Variants in PITPNC1 observed in about 807,000 individuals in gnomAD.
PITPNC1 encodes cytoplasmic phosphatidylinositol transfer protein 1.
Under a neutral mutation model 44.7 loss-of-function variants are expected in PITPNC1, and 18 were observed. The observed-to-expected ratio is 0.40, with a 90% confidence interval of 0.28 to 0.60. The LOEUF (loss-of-function observed/expected upper bound fraction) is 0.60. Ranked by LOEUF, PITPNC1 falls within the 20% of genes least tolerant of loss-of-function variation. The pLI is 0.39. For missense variants in PITPNC1, 290 were observed against 418.4 expected, an observed-to-expected ratio of 0.69 and a Z score of 2.68; for synonymous variants, 141 against 149.6, an observed-to-expected ratio of 0.94 and a Z score of 0.42.
intron 1 of PITPNC1, among the ~76,000 whole-genome samples, chr17:67,399,190 T>C (rs536696181): frequency 6.6e-6 from 1 of 152,134 alleles, no homozygotes; most frequent in South Asian, 2.1e-4. Flanking sequence ...AATTTTTGTA[T>C]TTTTAGTAGA....
intron 1 of PITPNC1, among the ~76,000 whole-genome samples, chr17:67,483,971 T>C (rs995333090): frequency 3.8e-4 from 56 of 149,018 alleles, no homozygotes; most frequent in African/African-American, 1.2e-3. Flanking sequence ...CAGGCTGGAG[T>C]GCCGTGGCAT....
intron 1 of PITPNC1, among the ~76,000 whole-genome samples, chr17:67,491,773 G>A (rs767183978): frequency 6.6e-6 from 1 of 152,128 alleles, no homozygotes; most frequent in Admixed American, 6.5e-5. Flanking sequence ...TCAAGGCTGC[G>A]GTGAGCTGTG....
At chr17:67,648,070 G>A (rs1567757833) in intron 6 of PITPNC1, among the ~76,000 whole-genome samples, 1 of 152,190 alleles carries the variant, frequency 6.6e-6, no homozygotes, top group Non-Finnish European at 1.5e-5. Context: ...ATTACAGACT[G>A]ATTGGCTTAT....
In PITPNC1 at chr17:67,411,755, A is replaced by G. The variant is rs1427349805; in HGVS notation, c.48+33553A>G. 1.3e-5 allele frequency among the ~76,000 whole-genome samples: 2 copies of G among 152,136 alleles called. 1 individual carries two copies. The highest frequency in any genetic ancestry group is 1.3e-4 in the Admixed American group (2 of 15,246). On this transcript the variant is annotated intron_variant, in intron 1 of 8. Coordinates refer to ENST00000581322, the MANE Select transcript of PITPNC1 (RefSeq NM_012417.4). ...CTCCTTATTCCTCTTACAGAGAGTA[A>G]TAATGATTTTCATCCTGGGGGTACT...
intron 1 of PITPNC1, among the ~76,000 whole-genome samples, chr17:67,467,256 G>C (rs2039441908): frequency 6.6e-6 from 1 of 151,864 alleles, no homozygotes; most frequent in Admixed American, 6.6e-5. Flanking sequence ...GTTTCACCAT[G>C]TTGGCCAGGC....
intron 8 of PITPNC1, among the ~76,000 whole-genome samples, chr17:67,685,671 T>C (rs1449934747): frequency 6.6e-6 from 1 of 152,146 alleles, no homozygotes; most frequent in East Asian, 1.9e-4. Context: ...AACAGAGGAA[T>C]GCCTACCTGG....
intron 4 of PITPNC1, among the ~76,000 whole-genome samples, chr17:67,555,583 T>G (rs563473889): frequency 2.0e-5 from 3 of 151,674 alleles, no homozygotes; most frequent in Admixed American, 2.0e-4. Context: ...TCCCAGCACT[T>G]TGGGAGGCCG....
chr17:67,494,185 T>TTCTCTCTTTC, intron 1 of PITPNC1, among the ~76,000 whole-genome samples: 4 of 102,428 alleles, frequency 3.9e-5, no homozygotes, highest in African/African-American at 1.5e-4. Flanking sequence ...CTTTCTTTCT[T>TTCTCTCTTTC]TTTCTTTCTT....
At chr17:67,661,015 C>G (rs1301153067) in intron 6 of PITPNC1, among the ~76,000 whole-genome samples, 2 of 148,498 alleles carry the variant, frequency 1.3e-5, no homozygotes, top group Non-Finnish European at 3.0e-5. Context: ...CCCGCCACCA[C>G]GCCCAGCTAA....
At chr17:67,443,206 G>C (rs535343543) in intron 1 of PITPNC1, among the ~76,000 whole-genome samples, 2 of 152,168 alleles carry the variant, frequency 1.3e-5, no homozygotes, top group Non-Finnish European at 2.9e-5. Context: ...ACTTCTGCCA[G>C]ACTGCACCTT....
At chr17:67,495,040 G>GTTTT (rs879366971) in intron 1 of PITPNC1, among the ~76,000 whole-genome samples, 1,765 of 64,628 alleles carry the variant, frequency 0.027, 284 homozygotes, top group African/African-American at 0.043. Context: ...CCATGGAGTT[G>GTTTT]TTTTTTTTTT....
At chr17:67,665,785 G>A (rs991047805) in intron 6 of PITPNC1, among the ~76,000 whole-genome samples, 4 of 152,062 alleles carry the variant, frequency 2.6e-5, no homozygotes, top group Admixed American at 6.5e-5. Flanking sequence ...AAGCAGAAAG[G>A]AGGAGCCCTC....
At chr17:67,575,311 G>T (rs2041125413) in intron 4 of PITPNC1, among the ~76,000 whole-genome samples, 1 of 152,166 alleles carries the variant, frequency 6.6e-6, no homozygotes, top group Non-Finnish European at 1.5e-5. Context: ...GCTGCTCCTT[G>T]GTGCTACCTG....
chr17:67,478,037 T>C (rs1178726834), intron 1 of PITPNC1, among the ~76,000 whole-genome samples: 1 of 152,142 alleles, frequency 6.6e-6, no homozygotes, highest in Non-Finnish European at 1.5e-5. Flanking sequence ...TAAGATTCTC[T>C]TACATTACCT....
intron 1 of PITPNC1, among the ~76,000 whole-genome samples, chr17:67,459,483 T>C (rs1035609496): frequency 9.2e-5 from 14 of 151,870 alleles, no homozygotes; most frequent in African/African-American, 2.4e-4. Context: ...CTTTGTCCAC[T>C]TGGGTTTTAA....
chr17:67,541,526 G>A (rs896489610), intron 2 of PITPNC1, among the ~76,000 whole-genome samples: 10 of 151,818 alleles, frequency 6.6e-5, no homozygotes, highest in Non-Finnish European at 1.3e-4. Flanking sequence ...TTATACAGCT[G>A]CAAAAATTAT....
chr17:67,564,860 A>G (rs1166433842), intron 4 of PITPNC1, among the ~76,000 whole-genome samples: 3 of 152,232 alleles, frequency 2.0e-5, no homozygotes, highest in Non-Finnish European at 4.4e-5. Context: ...ATAAAAATCT[A>G]TACCACAGAA....
chr17:67,526,725 T>C (rs1391381038), intron 1 of PITPNC1, among the ~76,000 whole-genome samples: 2 of 148,186 alleles, frequency 1.3e-5, no homozygotes, highest in East Asian at 2.0e-4. Flanking sequence ...AGAGCGAGAC[T>C]CCATCTCAAA....
At chr17:67,440,416 GA>G (rs1419872691) in intron 1 of PITPNC1, among the ~76,000 whole-genome samples, 1 of 152,038 alleles carries the variant, frequency 6.6e-6, no homozygotes, top group African/African-American at 2.4e-5. Flanking sequence ...ACTCTGTTAT[GA>G]CCAACTTAGT....
Sources: allele counts gnomAD v4.1 joint callset (sites outside exome capture counted in the v4.1 genomes callset), GRCh38; gene constraint gnomAD v4.1.1; transcripts MANE v1.5; gene names NCBI Gene and HGNC (gene_info 2026-07-23, HGNC 2026-07-21).